COX10: variants seen among roughly 807,000 people sequenced by gnomAD.
COX10 encodes the protein cytochrome c oxidase assembly factor heme A:farnesyltransferase COX10.
In COX10, 27 loss-of-function variants were observed where a neutral mutation model predicts 37.3. That is an observed-to-expected ratio of 0.72 (90% CI 0.53 to 1.00). COX10 has a LOEUF of 1.00. COX10 is among the 50% of genes least tolerant of loss of function. The pLI, the probability that COX10 is intolerant of heterozygous loss-of-function variation, is 0.00. For synonymous variants in COX10, 222 were observed against 229.1 expected (o/e 0.97, Z 0.28); for missense variants, 475 against 563.2 (o/e 0.84, Z 1.59).
intron 4 of COX10, among the ~76,000 whole-genome samples, chr17:14,111,075 C>T (rs1915997607): frequency 6.6e-6 from 1 of 152,050 alleles, no homozygotes; most frequent in Non-Finnish European, 1.5e-5. Flanking sequence ...TTTGAGACTT[C>T]TTTGTCTGTT....
intron 4 of COX10, among the ~76,000 whole-genome samples, chr17:14,126,055 A>G (rs1307893876): frequency 2.0e-5 from 3 of 152,210 alleles, no homozygotes; most frequent in African/African-American, 7.2e-5. Flanking sequence ...AAATGCTTCT[A>G]ACAAAACACT....
chr17:14,178,975 G>A (rs946489741), intron 5 of COX10, among the ~76,000 whole-genome samples: 3 of 152,186 alleles, frequency 2.0e-5, no homozygotes, highest in Admixed American at 6.5e-5. Flanking sequence ...GGGACTTTAC[G>A]TGGCACTTGG....
intron 4 of COX10, among the ~76,000 whole-genome samples, chr17:14,103,151 G>A (rs2142201017): frequency 6.6e-6 from 1 of 152,118 alleles, no homozygotes; most frequent in South Asian, 2.1e-4. Flanking sequence ...TTATAGTGAG[G>A]TTCAAATAGT....
intron 3 of COX10, among the ~76,000 whole-genome samples, chr17:14,078,304 A>T (rs1195333292): frequency 6.6e-6 from 1 of 152,106 alleles, no homozygotes; most frequent in Non-Finnish European, 1.5e-5. Flanking sequence ...CCACCCCAAA[A>T]ATGAGGCCTC....
intron 4 of COX10, among the ~76,000 whole-genome samples, chr17:14,145,243 T>C (rs1422237663): frequency 6.6e-6 from 1 of 152,114 alleles, no homozygotes; most frequent in Non-Finnish European, 1.5e-5. Context: ...GGACCAGATA[T>C]GAAATCCTTG....
chr17:14,158,741 G>A (rs989914784), intron 4 of COX10, among the ~76,000 whole-genome samples: 7 of 152,102 alleles, frequency 4.6e-5, no homozygotes, highest in African/African-American at 1.7e-4. Flanking sequence ...ATTTTATTGT[G>A]CTCATATGAT....
At chr17:14,174,109 A>AC (rs1180417977) in intron 5 of COX10, among the ~76,000 whole-genome samples, 1 of 151,856 alleles carries the variant, frequency 6.6e-6, no homozygotes, top group African/African-American at 2.4e-5. Flanking sequence ...ATGATGAAGA[A>AC]CTCATGTACA....
intron 4 of COX10, among the ~76,000 whole-genome samples, chr17:14,158,215 T>A (rs1369960299): frequency 6.6e-6 from 1 of 151,820 alleles, no homozygotes; most frequent in Non-Finnish European, 1.5e-5. Context: ...TCATTGTGTT[T>A]AGGAATACTA....
rs1915225469 is a variant in COX10 at position 14,079,292 on chromosome 17, C to T, written c.499+2236C>T. On this transcript the variant is annotated intron_variant, in intron 3 of 6. Transcript: ENST00000261643. ...CTGCTTAATGTGTATTATATTTCCC[C>T]TAAGGTTGTTTTTGCCTGTGGAGGG... Among the ~76,000 whole-genome samples, 5 of 152,168 alleles carry T rather than the reference C, an allele frequency of 3.3e-5. No homozygotes were observed. In the South Asian group the frequency reaches 1.0e-3, roughly 31 times the overall value.
chr17:14,131,771 C>CT lies in COX10; in HGVS notation c.625-28105dup. Among the ~76,000 whole-genome samples the CT allele has an allele frequency of 2.6e-5, 4 of 152,076 alleles. No homozygotes were observed. In the East Asian group the frequency reaches 5.8e-4, roughly 22 times the overall value. ...GCAAATTCAAAGGAGTTTCATGAGA[C>CT]TGAGACAGTCACTGTAAGAAAGAAC... On this transcript the variant is annotated intron_variant, in intron 4 of 6. Transcript: ENST00000261643.
At chr17:14,173,263 A>G (rs1905539332) in intron 5 of COX10, among the ~76,000 whole-genome samples, 1 of 152,258 alleles carries the variant, frequency 6.6e-6, no homozygotes. Context: ...TGGATGGATG[A>G]TAAGAGAAAG....
At chr17:14,109,049 A>G (rs1303658173) in intron 4 of COX10, among the ~76,000 whole-genome samples, 1 of 152,144 alleles carries the variant, frequency 6.6e-6, no homozygotes, top group Non-Finnish European at 1.5e-5. Context: ...TTTCTTCTGA[A>G]TGTTGTGATT....
At chr17:14,137,552 A>G (rs1372696066) in intron 4 of COX10, among the ~76,000 whole-genome samples, 1 of 151,990 alleles carries the variant, frequency 6.6e-6, no homozygotes, top group East Asian at 1.9e-4. Context: ...CTCTTTTTAA[A>G]ATGCTGATCA....
At chr17:14,115,784 TA>T (rs1916097817) in intron 4 of COX10, among the ~76,000 whole-genome samples, 1 of 152,144 alleles carries the variant, frequency 6.6e-6, no homozygotes, top group African/African-American at 2.4e-5. Flanking sequence ...GAAAGATAAA[TA>T]CTGCATGTTT....
chr17:14,116,938 G>A (rs144333618), intron 4 of COX10, among the ~76,000 whole-genome samples: 1 of 152,246 alleles, frequency 6.6e-6, no homozygotes, highest in East Asian at 1.9e-4. Flanking sequence ...TGAACATTGT[G>A]CCACCCACCC....
intron 4 of COX10, among the ~76,000 whole-genome samples, chr17:14,107,256 T>G (rs1434877133): frequency 6.6e-6 from 1 of 152,054 alleles, no homozygotes; most frequent in African/African-American, 2.4e-5. Flanking sequence ...CCCAAGATCC[T>G]GGCTATAATT....
chr17:14,207,137 T>TGCC lies in COX10; in HGVS notation c.1259_1261dup (p.Pro420dup). On this transcript the variant is annotated inframe_insertion, in exon 7 of 7. Transcript: ENST00000261643. ...CTGTTCTTCTGCAGCCTGTGGCACC[T>TGCC]GCCGCTGCTGCTGCTGCTCATGCTC... 1 of 1,613,454 alleles carries TGCC rather than the reference T, an allele frequency of 6.2e-7. No individual in the cohort carries two copies. Among genetic ancestry groups the TGCC allele is most frequent in the Non-Finnish European group, 8.5e-7 (1 of 1,179,882 alleles).
intron 6 of COX10, among the ~76,000 whole-genome samples, chr17:14,204,072 C>T (rs1906624506): frequency 6.6e-6 from 1 of 152,102 alleles, no homozygotes; most frequent in African/African-American, 2.4e-5. Context: ...TTAATTGGCT[C>T]CCTTGATGAG....
chr17:14,198,293 A>G (rs1906429162), intron 6 of COX10, among the ~76,000 whole-genome samples: 1 of 152,334 alleles, frequency 6.6e-6, no homozygotes, highest in East Asian at 1.9e-4. Flanking sequence ...AGGCCTCTCA[A>G]CAGTGTTTAT....
Sources: allele counts gnomAD v4.1 joint callset (sites outside exome capture counted in the v4.1 genomes callset), GRCh38; gene constraint gnomAD v4.1.1; transcripts MANE v1.5; gene names NCBI Gene and HGNC (gene_info 2026-07-23, HGNC 2026-07-21).